Variants in ADGRB3 observed in about 807,000 individuals in gnomAD.
ADGRB3 encodes adhesion G protein-coupled receptor B3.
A neutral mutation model predicts 193.4 loss-of-function variants in ADGRB3; 37 were observed. That is an observed-to-expected ratio of 0.19 (90% CI 0.15 to 0.25). The LOEUF is 0.25. Among genes scored for constraint, ADGRB3 ranks in the 10% least tolerant of loss-of-function variants. The pLI is 1.00. For synonymous variants in ADGRB3, 690 were observed against 644.2 expected (o/e 1.07, Z -1.08); for missense variants, 1,637 against 1,852.9 (o/e 0.88, Z 2.14).
At chr6:68,700,763 T>C (rs758340022) in intron 3 of ADGRB3, among the ~76,000 whole-genome samples, 6 of 139,324 alleles carry the variant, frequency 4.3e-5, no homozygotes, top group East Asian at 2.2e-4. Context: ...CAGGTGGGAA[T>C]TGAACAATGA....
At chr6:68,959,338 C>A (rs1371573204) in intron 8 of ADGRB3, among the ~76,000 whole-genome samples, 2 of 152,088 alleles carry the variant, frequency 1.3e-5, no homozygotes, top group Admixed American at 1.3e-4. Flanking sequence ...GCATCTTTGT[C>A]TTTGTGTTAA....
intron 11 of ADGRB3, among the ~76,000 whole-genome samples, chr6:68,999,770 C>A (rs1439628278): frequency 6.6e-6 from 1 of 152,112 alleles, no homozygotes; most frequent in Non-Finnish European, 1.5e-5. Context: ...CTGCCTTCAG[C>A]AATATTTTTT....
intron 3 of ADGRB3, among the ~76,000 whole-genome samples, chr6:68,706,400 G>A (rs1010685720): frequency 6.6e-5 from 10 of 152,130 alleles, no homozygotes; most frequent in Non-Finnish European, 1.5e-4. Context: ...GGTGAACATA[G>A]GATTTTACTA....
intron 20 of ADGRB3, among the ~76,000 whole-genome samples, chr6:69,309,338 A>T (rs1768132236): frequency 6.6e-6 from 1 of 151,646 alleles, no homozygotes; most frequent in South Asian, 2.1e-4. Flanking sequence ...TGGGAGAAAA[A>T]AGTAAGTGTT....
At chr6:69,237,455 A>G (rs1169296740) in intron 19 of ADGRB3, among the ~76,000 whole-genome samples, 3 of 152,068 alleles carry the variant, frequency 2.0e-5, no homozygotes, top group African/African-American at 7.2e-5. Flanking sequence ...ACATGAAAAA[A>G]TAATGAAGCA....
At chr6:69,053,203 C>A (rs1454819720) in intron 15 of ADGRB3, among the ~76,000 whole-genome samples, 1 of 151,786 alleles carries the variant, frequency 6.6e-6, no homozygotes, top group Non-Finnish European at 1.5e-5. Flanking sequence ...TGTATAGAAC[C>A]ATAGGATATT....
At chr6:69,226,658 A>C (rs889897137) in intron 17 of ADGRB3, among the ~76,000 whole-genome samples, 2 of 152,244 alleles carry the variant, frequency 1.3e-5, no homozygotes, top group African/African-American at 4.8e-5. Flanking sequence ...TTAAAACAAC[A>C]ACCATTATTA....
rs1268708971 is a variant in ADGRB3, at chr6:69,060,219, T to TC, written c.2334-2715_2334-2714insC. 3.5e-3 allele frequency among the ~76,000 whole-genome samples: 474 copies of TC among 134,242 alleles called. 1 individual carries two copies. Among genetic ancestry groups the TC allele is most frequent in the Non-Finnish European group, 4.7e-3 (295 of 62,716 alleles). 88.1% of individuals were successfully genotyped at this position (134,242 alleles called of 152,430 possible). A position where few individuals can be genotyped will look rare whatever the true frequency, so the allele number is the denominator to read the frequency against. ...CTCTCTTTCTCTGTCTCTCTCTCTCTTTCTCTCTCTCTCTCTCTCTCTCTC... is the reference window on the plus strand; with the variant it reads ...CTCTCTTTCTCTGTCTCTCTCTCTCTCTTCTCTCTCTCTCTCTCTCTCTCTC... On this transcript the variant is annotated intron_variant, in intron 15 of 31. Transcript: ENST00000370598.
At chr6:69,323,277 G>A (rs962955782) in intron 20 of ADGRB3, among the ~76,000 whole-genome samples, 1 of 151,958 alleles carries the variant, frequency 6.6e-6, no homozygotes, top group Non-Finnish European at 1.5e-5. Context: ...GACTTAGAAA[G>A]GTTATCTAGT....
At chr6:68,900,528 G>T (rs1317397930) in intron 3 of ADGRB3, among the ~76,000 whole-genome samples, 1 of 152,126 alleles carries the variant, frequency 6.6e-6, no homozygotes, top group East Asian at 1.9e-4. Context: ...AGCAGAAAAA[G>T]AGCATTTTAT....
intron 3 of ADGRB3, among the ~76,000 whole-genome samples, chr6:68,753,563 G>C (rs1484363120): frequency 6.6e-6 from 1 of 152,094 alleles, no homozygotes; most frequent in African/African-American, 2.4e-5. Flanking sequence ...GAAACTAGGG[G>C]CGGTCAGGGG....
At chr6:68,670,046 T>C (rs1162547625) in intron 3 of ADGRB3, among the ~76,000 whole-genome samples, 1 of 152,144 alleles carries the variant, frequency 6.6e-6, no homozygotes, top group Admixed American at 6.6e-5. Flanking sequence ...TTAGTATGTC[T>C]GTTTGCCATT....
intron 17 of ADGRB3, among the ~76,000 whole-genome samples, chr6:69,221,863 C>T (rs57318813): frequency 2.0e-3 from 310 of 152,122 alleles, no homozygotes; most frequent in African/African-American, 6.9e-3. Context: ...TTCTTCCCTT[C>T]GGTAGCATAT....
intron 29 of ADGRB3, among the ~76,000 whole-genome samples, chr6:69,367,595 G>C (rs61636212): frequency 0.013 from 2,014 of 151,992 alleles, 43 homozygotes; most frequent in African/African-American, 0.044. Flanking sequence ...GTTTTGATTT[G>C]CATTTCTCTG....
At chr6:69,195,837 T>C in intron 17 of ADGRB3, among the ~76,000 whole-genome samples, 1 of 152,194 alleles carries the variant, frequency 6.6e-6, no homozygotes, top group East Asian at 1.9e-4. Flanking sequence ...ATCAATTCCT[T>C]TTTTTATACT....
chr6:69,383,392 G>A (rs758753455), intron 31 of ADGRB3, among the ~76,000 whole-genome samples: 8 of 151,884 alleles, frequency 5.3e-5, no homozygotes, highest in South Asian at 4.1e-4. Context: ...AAGAATTTTC[G>A]TACACACATC....
At chr6:68,896,491 A>C (rs1403833145) in intron 3 of ADGRB3, among the ~76,000 whole-genome samples, 1 of 152,160 alleles carries the variant, frequency 6.6e-6, no homozygotes, top group Non-Finnish European at 1.5e-5. Context: ...AATGCCGAGA[A>C]TTTTGCTTTA....
intron 26 of ADGRB3, among the ~76,000 whole-genome samples, chr6:69,339,940 A>G (rs2127319486): frequency 6.6e-6 from 1 of 152,322 alleles, no homozygotes; most frequent in Middle Eastern, 3.4e-3. Context: ...CATTGCATAT[A>G]TTAACTAATA....
At chr6:68,927,287 T>C (rs1325388444) in intron 3 of ADGRB3, among the ~76,000 whole-genome samples, 2 of 152,160 alleles carry the variant, frequency 1.3e-5, no homozygotes, top group African/African-American at 4.8e-5. Flanking sequence ...ACTAATGTAA[T>C]ATATTATCTT....
Sources: gnomAD v4.1 joint callset for allele counts (sites outside exome capture counted in the v4.1 genomes callset) on GRCh38, gnomAD v4.1.1 for gene constraint, MANE v1.5 for transcripts, NCBI Gene and HGNC (gene_info 2026-07-23, HGNC 2026-07-21) for gene names.